The following GRM8 variants were observed in gnomAD, a reference collection of about 807,000 sequenced individuals.
GRM8 encodes glutamate metabotropic receptor 8.
A neutral mutation model predicts 87.2 loss-of-function variants in GRM8; 47 were observed. That is an observed-to-expected ratio of 0.54 (90% CI 0.43 to 0.69). The LOEUF (loss-of-function observed/expected upper bound fraction) is 0.69. Among genes scored for constraint, GRM8 ranks in the 30% least tolerant of loss-of-function variants. The pLI, the probability that GRM8 is intolerant of heterozygous loss-of-function variation, is 0.00. For missense variants in GRM8, 1,019 were observed against 1,139.2 expected, an observed-to-expected ratio of 0.89 and a Z score of 1.52; for synonymous variants, 396 against 404.5, an observed-to-expected ratio of 0.98 and a Z score of 0.25.
At chr7:126,970,388 A>G (rs1810297683) in intron 3 of GRM8, among the ~76,000 whole-genome samples, 1 of 152,192 alleles carries the variant, frequency 6.6e-6, no homozygotes, top group Non-Finnish European at 1.5e-5. Context: ...CAGCTTCTAC[A>G]TTAGCACCTT....
At chr7:126,954,474 T>C (rs1808478246) in intron 3 of GRM8, among the ~76,000 whole-genome samples, 3 of 152,178 alleles carry the variant, frequency 2.0e-5, no homozygotes, top group Admixed American at 2.0e-4. Flanking sequence ...AGGCGATATT[T>C]GGGACATACT....
In GRM8 at chr7:126,663,266, G is replaced by T. The variant is rs1805401864; in HGVS notation, c.1358-53768C>A. Among the ~76,000 whole-genome samples the T allele has an allele frequency of 2.6e-5, 4 of 152,190 alleles. 1 individual carries two copies. In the South Asian group the frequency reaches 8.3e-4, roughly 32 times the overall value. ...GACGCTATTCCAAAAAATGGAGGAG[G>T]AGGGACTCCCCTCTAACTCATTTTA... On this transcript the variant is annotated intron_variant, in intron 7 of 10. Coordinates refer to ENST00000339582, the MANE Select transcript of GRM8 (RefSeq NM_000845.3).
intron 6 of GRM8, among the ~76,000 whole-genome samples, chr7:126,796,770 C>T (rs1040440547): frequency 1.3e-5 from 2 of 152,008 alleles, no homozygotes; most frequent in Non-Finnish European, 2.9e-5. Context: ...AAGAAGAGCC[C>T]TCCTCTCATG....
chr7:126,639,181 C>T (rs903972310), intron 7 of GRM8, among the ~76,000 whole-genome samples: 4 of 152,164 alleles, frequency 2.6e-5, no homozygotes, highest in East Asian at 1.9e-4. Flanking sequence ...TCCTGCCATT[C>T]GGAAGTAACT....
rs1179643143 is a variant in GRM8, at chr7:127,114,023, A to G, written c.511-7311T>C. On this transcript the variant is annotated intron_variant, in intron 2 of 10. Coordinates refer to ENST00000339582, the MANE Select transcript of GRM8 (RefSeq NM_000845.3). ...AAAAGAAGAAAGGAAATGTAAAGCC[A>G]GAGTGTGAAACAAAAAAGAAGATGG... 2.0e-5 allele frequency among the ~76,000 whole-genome samples: 3 copies of G among 152,212 alleles called. No individual in the cohort carries two copies. The East Asian group carries it at 5.8e-4, about 29-fold the overall frequency.
At chr7:127,203,243 T>A (rs1795709509) in intron 2 of GRM8, among the ~76,000 whole-genome samples, 1 of 152,114 alleles carries the variant, frequency 6.6e-6, no homozygotes, top group Admixed American at 6.5e-5. Flanking sequence ...GGGGTACACA[T>A]GGATGTAAAA....
chr7:126,733,524 G>T (rs11978951), intron 7 of GRM8, among the ~76,000 whole-genome samples: 1 of 149,886 alleles, frequency 6.7e-6, no homozygotes, highest in African/African-American at 2.4e-5. Context: ...AATGCAAAAA[G>T]TTCTCAATAA....
At chr7:126,509,026 G>T (rs1033421232) in intron 9 of GRM8, among the ~76,000 whole-genome samples, 4 of 152,014 alleles carry the variant, frequency 2.6e-5, no homozygotes, top group African/African-American at 9.7e-5. Context: ...CATATACTTG[G>T]ATGCAGTCAC....
chr7:127,018,249 TTACAC>T (rs1815887451), intron 3 of GRM8, among the ~76,000 whole-genome samples: 1 of 151,766 alleles, frequency 6.6e-6, no homozygotes, highest in African/African-American at 2.4e-5. Flanking sequence ...TTAGAGAAAG[TTACAC>T]TAAGAAAATG....
chr7:127,122,345 G>A (rs952836677), intron 2 of GRM8, among the ~76,000 whole-genome samples: 13 of 151,838 alleles, frequency 8.6e-5, no homozygotes, highest in African/African-American at 1.5e-4. Flanking sequence ...TGCATAGACC[G>A]TAACTTAGAT....
intron 9 of GRM8, among the ~76,000 whole-genome samples, chr7:126,513,664 T>G (rs1811752509): frequency 6.6e-6 from 1 of 152,136 alleles, no homozygotes; most frequent in Non-Finnish European, 1.5e-5. Context: ...ACCTCTCTCC[T>G]TACTTTTATA....
intron 7 of GRM8, among the ~76,000 whole-genome samples, chr7:126,746,575 C>T (rs573232173): frequency 5.5e-4 from 83 of 151,606 alleles, no homozygotes; most frequent in African/African-American, 2.0e-3. Flanking sequence ...ATTTATGTTA[C>T]CTGTTTGACT....
In GRM8 at chr7:126,595,572, T is replaced by A. The variant is rs1299680969; in HGVS notation, c.1494+13790A>T. Among the ~76,000 whole-genome samples the A allele has an allele frequency of 2.0e-5, 3 of 151,900 alleles. No individual in the cohort carries two copies. The East Asian group carries it at 5.8e-4, about 29-fold the overall frequency. On this transcript the variant is annotated intron_variant, in intron 8 of 10. Coordinates refer to ENST00000339582, the MANE Select transcript of GRM8 (RefSeq NM_000845.3). ...GTGAGCCACTGCACCTGGTCCAGGT[T>A]TGTTATACAGGTAAAGGGTATGTCA...
At chr7:126,693,003 A>C (rs1020086470) in intron 7 of GRM8, among the ~76,000 whole-genome samples, 3 of 152,150 alleles carry the variant, frequency 2.0e-5, no homozygotes, top group African/African-American at 7.2e-5. Context: ...TGTTGCCTTC[A>C]CCCCACTTCA....
chr7:126,983,702 T>C (rs1202392468), intron 3 of GRM8, among the ~76,000 whole-genome samples: 1 of 152,168 alleles, frequency 6.6e-6, no homozygotes, highest in Non-Finnish European at 1.5e-5. Flanking sequence ...TTAGGGCATC[T>C]CTTAGTATTA....
intron 3 of GRM8, among the ~76,000 whole-genome samples, chr7:126,944,636 A>G (rs1206522825): frequency 6.6e-6 from 1 of 152,244 alleles, no homozygotes; most frequent in African/African-American, 2.4e-5. Context: ...CAAATTAGCC[A>G]AAGTTTCTGT....
At chr7:127,059,161 C>T (rs900765792) in intron 3 of GRM8, among the ~76,000 whole-genome samples, 1 of 151,964 alleles carries the variant, frequency 6.6e-6, no homozygotes. Flanking sequence ...GGGGAGAGAA[C>T]ATATTTTTGT....
chr7:126,987,306 C>G (rs6975379), intron 3 of GRM8, among the ~76,000 whole-genome samples: 55,357 of 151,910 alleles, frequency 0.36, 10,638 homozygotes, highest in East Asian at 0.66. Flanking sequence ...CCAATGTCTC[C>G]TTGACTCTCA....
At chr7:126,707,756 T>G (rs1810682885) in intron 7 of GRM8, among the ~76,000 whole-genome samples, 1 of 152,200 alleles carries the variant, frequency 6.6e-6, no homozygotes, top group East Asian at 1.9e-4. Context: ...CAAAATGGAT[T>G]GAAGATCTAA....
Sources: allele counts gnomAD v4.1 joint callset (sites outside exome capture counted in the v4.1 genomes callset), GRCh38; gene constraint gnomAD v4.1.1; transcripts MANE v1.5; gene names NCBI Gene and HGNC (gene_info 2026-07-23, HGNC 2026-07-21).